Variants in TRIM24 observed in about 807,000 individuals in gnomAD.
TRIM24 encodes transcription intermediary factor 1-alpha.
TRIM24 carries 29 observed loss-of-function variants against 123.9 expected under a neutral mutation model. The ratio of observed to expected loss-of-function variants is 0.23; its 90% confidence interval spans 0.17 to 0.32. The LOEUF (loss-of-function observed/expected upper bound fraction) is 0.32. Among genes scored for constraint, TRIM24 ranks in the 10% least tolerant of loss-of-function variants. The pLI, the probability that TRIM24 is intolerant of heterozygous loss-of-function variation, is 1.00. For missense variants in TRIM24, 932 were observed against 1,295.3 expected (o/e 0.72, Z 4.31); for synonymous variants, 456 against 461.1 (o/e 0.99, Z 0.14).
intron 8 of TRIM24, among the ~76,000 whole-genome samples, chr7:138,552,889 C>G (rs909731271): frequency 6.6e-5 from 10 of 152,200 alleles, no homozygotes; most frequent in Non-Finnish European, 1.3e-4. Context: ...ACACCTGACT[C>G]TACCACCACA....
At chr7:138,524,705 C>T (rs1796573583) in intron 4 of TRIM24, among the ~76,000 whole-genome samples, 1 of 152,074 alleles carries the variant, frequency 6.6e-6, no homozygotes, top group Non-Finnish European at 1.5e-5. Context: ...CATCTTTCCT[C>T]AGTTTCAAAT....
At chr7:138,543,298 G>T (rs1041595231) in intron 7 of TRIM24, among the ~76,000 whole-genome samples, 6 of 152,104 alleles carry the variant, frequency 3.9e-5, no homozygotes, top group African/African-American at 1.4e-4. Flanking sequence ...CCATATTCTT[G>T]GTTAACTAAA....
At chr7:138,490,183 C>T (rs1795748218) in intron 1 of TRIM24, among the ~76,000 whole-genome samples, 1 of 152,132 alleles carries the variant, frequency 6.6e-6, no homozygotes, top group African/African-American at 2.4e-5. Context: ...AGTTCTCATG[C>T]CATGGTTTTC....
Position 138,589,888 on chromosome 7 carries a change from C to A in TRIM24, c.*4937C>A, listed in dbSNP as rs1399494726. 1 of 152,134 alleles carries A rather than the reference C, an allele frequency of 6.6e-6. No individual in the cohort carries two copies. The highest frequency in any genetic ancestry group is 2.1e-4 in the South Asian group (1 of 4,832). The allele number at this position is 152,134 out of a possible 1,614,324, so 9.4% of individuals were successfully genotyped here. A position where few individuals can be genotyped will look rare whatever the true frequency, so the allele number is the denominator to read the frequency against. ...TTAACAGATCTTTCATGGGGCCAAC[C>A]TATTTGCTTCCTTAATTTTCAAATT... On this transcript the variant is annotated 3_prime_UTR_variant, in exon 19 of 19. Coordinates refer to ENST00000343526, the MANE Select transcript of TRIM24 (RefSeq NM_015905.3).
intron 7 of TRIM24, 99 bp downstream of exon 7, chr7:138,538,902 T>C: frequency 9.3e-7 from 1 of 1,077,034 alleles, no homozygotes; most frequent in Non-Finnish European, 1.3e-6. Flanking sequence ...GCATCAGTGC[T>C]TTTTACCTAT....
At chr7:138,489,419 G>C (rs112845258) in intron 1 of TRIM24, among the ~76,000 whole-genome samples, 1 of 152,160 alleles carries the variant, frequency 6.6e-6, no homozygotes, top group Non-Finnish European at 1.5e-5. Flanking sequence ...TTGCCCGTTA[G>C]TTGATGCAGT....
chr7:138,482,112 A>C (rs1193503225), intron 1 of TRIM24, among the ~76,000 whole-genome samples: 1 of 152,104 alleles, frequency 6.6e-6, no homozygotes, highest in Non-Finnish European at 1.5e-5. Context: ...CACCAGGGCC[A>C]CACTTTTTTT....
chr7:138,580,565 A>G lies in TRIM24; in HGVS notation c.2589A>G (p.Gly863=), dbSNP rs33935215. The G allele has an allele frequency of 0.13, 213,123 of 1,610,182 alleles. 15,305 individuals are homozygous for G. The highest frequency in any genetic ancestry group is 0.17 in the South Asian group (15,757 of 90,516). Residue 863 remains glycine, a synonymous_variant, in exon 16 of 19, where the codon GGA becomes GGG. Coordinates refer to ENST00000343526, the MANE Select transcript of TRIM24 (RefSeq NM_015905.3). ...AAAGTACATTGTCCCCTAACAGTGG[A>G]GAGTGGATTTGCACTTTCTGCCGAG... The part of the protein sequence containing the change: ...HVPTLTNFPS[G]EWICTFCRDL...
rs146142011 is a variant in TRIM24 at position 138,577,668 on chromosome 7, T to C, written c.2256+80T>C. 528 of 1,186,614 alleles carry C rather than the reference T, an allele frequency of 4.4e-4. 4 individuals are homozygous for C. In the African/African-American group the frequency reaches 7.8e-3, roughly 18 times the overall value. The allele number at this position is 1,186,614 out of a possible 1,614,324, so 73.5% of individuals were successfully genotyped here. Reference sequence around the variant, plus strand: ...ATCTTTTAAATAGCTCTTAGGAGTTTTTTTTTAATGTTATATTTAAAAGGA... The same window carrying C: ...ATCTTTTAAATAGCTCTTAGGAGTTCTTTTTTAATGTTATATTTAAAAGGA... On this transcript the variant is annotated intron_variant, in intron 14 of 18. Coordinates refer to ENST00000343526, the MANE Select transcript of TRIM24 (RefSeq NM_015905.3).
At chr7:138,523,269 CTG>C (rs1201104444) in intron 4 of TRIM24, among the ~76,000 whole-genome samples, 2 of 152,144 alleles carry the variant, frequency 1.3e-5, no homozygotes, top group Non-Finnish European at 2.9e-5. Context: ...AAAAGGATAT[CTG>C]TCAATAATAA....
chr7:138,579,037 G>T (rs1181465840), intron 14 of TRIM24, among the ~76,000 whole-genome samples, 167 bp from the exon 15 acceptor site: 1 of 151,772 alleles, frequency 6.6e-6, no homozygotes, highest in Non-Finnish European at 1.5e-5. Context: ...GTATTTTTTA[G>T]TAGAGGTTCA....
intron 3 of TRIM24, among the ~76,000 whole-genome samples, chr7:138,518,943 T>C (rs1796452800): frequency 6.6e-6 from 1 of 152,246 alleles, no homozygotes; most frequent in South Asian, 2.1e-4. Flanking sequence ...CTTAGTTCTT[T>C]CATTTACTCC....
rs1798064183 is a variant in TRIM24, at chr7:138,589,041, AC to A, written c.*4092del. ...AAAAAAAATGGTGACCATGCGTTCA[AC>A]CATATAATTTCTTACTGAAATTGAG... On this transcript the variant is annotated 3_prime_UTR_variant, in exon 19 of 19. Coordinates refer to ENST00000343526, the MANE Select transcript of TRIM24 (RefSeq NM_015905.3). 6.6e-6 allele frequency: 1 copy of A among 152,276 alleles called. No individual in the cohort carries two copies. The highest frequency in any genetic ancestry group is 2.4e-5 in the African/African-American group (1 of 41,438). The allele number at this position is 152,276 out of a possible 1,614,324, so 9.4% of individuals were successfully genotyped here.
chr7:138,490,084 G>A lies in TRIM24; in HGVS notation c.365-14206G>A, dbSNP rs949263070. ...CTTTTTTCTCTAAACTTCTCTTCTC[G>A]CTTCATTTCATTCATTTGATCTTCA... On this transcript the variant is annotated intron_variant, in intron 1 of 18. Coordinates refer to ENST00000343526, the MANE Select transcript of TRIM24 (RefSeq NM_015905.3). 1.3e-5 allele frequency among the ~76,000 whole-genome samples: 2 copies of A among 151,774 alleles called. 1 individual carries two copies. Among genetic ancestry groups the A allele is most frequent in the Non-Finnish European group, 2.9e-5 (2 of 67,984 alleles).
intron 1 of TRIM24, among the ~76,000 whole-genome samples, chr7:138,463,989 C>CTTTTTTCTTTTTTTTT (rs1795072688): frequency 2.0e-5 from 1 of 50,766 alleles, no homozygotes; most frequent in African/African-American, 8.2e-5. Flanking sequence ...AAAATTTAGA[C>CTTTTTTCTTTTTTTTT]TTTTTTTTTT....
At chr7:138,552,482 A>G (rs1170685677) in intron 8 of TRIM24, among the ~76,000 whole-genome samples, 2 of 152,208 alleles carry the variant, frequency 1.3e-5, no homozygotes, top group Admixed American at 6.5e-5. Context: ...CAGGGAAACT[A>G]TACAAACAAA....
chr7:138,490,914 T>C, intron 1 of TRIM24: 1 of 397,584 alleles, frequency 2.5e-6, no homozygotes. Context: ...ATAAGAGATC[T>C]TCCGTATCTG....
At position 138,468,995 on chromosome 7, in the gene TRIM24, C is replaced by G. The variant is rs560998052; in HGVS notation, c.364+8083C>G. ...GATTTAGGGGGCTTATTCACCTGAG[C>G]TTTTCTTTCCTCATGGATCACAGTA... On this transcript the variant is annotated intron_variant, in intron 1 of 18. Coordinates refer to ENST00000343526, the MANE Select transcript of TRIM24 (RefSeq NM_015905.3). Among the ~76,000 whole-genome samples the G allele has an allele frequency of 2.6e-5, 4 of 152,290 alleles. No individual in the cohort carries two copies. The South Asian group carries it at 8.3e-4, about 32-fold the overall frequency.
intron 1 of TRIM24, among the ~76,000 whole-genome samples, chr7:138,494,580 G>C (rs1404407749): frequency 6.6e-6 from 1 of 151,774 alleles, no homozygotes; most frequent in Non-Finnish European, 1.5e-5. Flanking sequence ...TTTTAAAAAA[G>C]AAAAAAAGAT....
Sources: allele counts gnomAD v4.1 joint callset (sites outside exome capture counted in the v4.1 genomes callset), GRCh38; gene constraint gnomAD v4.1.1; transcripts MANE v1.5; gene names NCBI Gene and HGNC (gene_info 2026-07-23, HGNC 2026-07-21).